ARHGAP23: variants seen among roughly 807,000 people sequenced by gnomAD.
The protein encoded by ARHGAP23 is Rho GTPase activating protein 23.
ARHGAP23 carries 34 observed loss-of-function variants against 136.3 expected under a neutral mutation model. The observed-to-expected ratio is 0.25, with a 90% CI of 0.19 to 0.33. The LOEUF is 0.33. Among genes scored for constraint, ARHGAP23 ranks in the 10% least tolerant of loss-of-function variants. The pLI is 1.00. For missense variants in ARHGAP23, 1,808 were observed against 2,139.0 expected, an observed-to-expected ratio of 0.85 and a Z score of 3.05; for synonymous variants, 832 against 920.5, an observed-to-expected ratio of 0.90 and a Z score of 1.74.
At chr17:38,507,430 T>A (rs1157715393) in intron 23 of ARHGAP23, among the ~76,000 whole-genome samples, 3 of 152,120 alleles carry the variant, frequency 2.0e-5, no homozygotes, top group African/African-American at 7.2e-5. Context: ...TTCATTATAG[T>A]GACCTACATC....
intron 12 of ARHGAP23, among the ~76,000 whole-genome samples, chr17:38,478,417 AT>A (rs33967787): frequency 1.7e-4 from 25 of 145,226 alleles, no homozygotes; most frequent in East Asian, 6.2e-4. Flanking sequence ...TTTTGGGATA[AT>A]TTTTTTTTTT....
rs759925670 is a variant in ARHGAP23 at position 38,466,396 on chromosome 17, C to G, written c.713C>G (p.Ala238Gly). ...PGLRVPPAAR[A>G]HLDNSSLGMS... ...CTCCGTGTGCCACCTGCTGCCCGTGCCCACCTGGACAACTCTTCCTTGGGG... is the reference window on the plus strand; with the variant it reads ...CTCCGTGTGCCACCTGCTGCCCGTGGCCACCTGGACAACTCTTCCTTGGGG... The change falls in exon 7 of 24, where the codon GCC (alanine) becomes GGC (glycine). Residue 238 changes from alanine to glycine, a missense_variant. By Grantham distance (60) the Ala-to-Gly change is moderately conservative. Around this residue, in one of 7 missense-constraint regions of ARHGAP23, gnomAD observed 859 missense variants for 936.4 expected, o/e 0.92. Coordinates refer to ENST00000622683, the MANE Select transcript of ARHGAP23 (RefSeq NM_001199417.2). The G allele has an allele frequency of 6.5e-7, 1 of 1,533,190 alleles. No individual in the cohort carries two copies. Among genetic ancestry groups the G allele is most frequent in the South Asian group, 1.2e-5 (1 of 83,324 alleles). 95.0% of individuals were successfully genotyped at this position (1,533,190 alleles called of 1,614,324 possible).
At chr17:38,469,974 G>T in intron 10 of ARHGAP23, 70 bp downstream of exon 10, 1 of 1,517,558 alleles carries the variant, frequency 6.6e-7, no homozygotes, top group Non-Finnish European at 8.9e-7. Context: ...AGGGAGGTGG[G>T]GCCACAGCCT....
intron 1 of ARHGAP23, among the ~76,000 whole-genome samples, chr17:38,438,892 G>A (rs569566378): frequency 9.8e-5 from 15 of 152,302 alleles, no homozygotes; most frequent in East Asian, 1.9e-4. Flanking sequence ...GCTGAGGCAG[G>A]AGAATCGCTT....
chr17:38,480,086 T>G lies in ARHGAP23; in HGVS notation c.2629+203T>G, dbSNP rs115191538. ...CGGGGTGGAAGGGCCTGGAGCCTGATTCCCGTCCCTGACATCCCTGCTGGG... is the reference window on the plus strand; with the variant it reads ...CGGGGTGGAAGGGCCTGGAGCCTGAGTCCCGTCCCTGACATCCCTGCTGGG... On this transcript the variant is annotated intron_variant, in intron 14 of 23. Coordinates refer to ENST00000622683, the MANE Select transcript of ARHGAP23 (RefSeq NM_001199417.2). Among the ~76,000 whole-genome samples the G allele has an allele frequency of 4.9e-3, 740 of 152,194 alleles. 3 individuals are homozygous for G. Among genetic ancestry groups the G allele is most frequent in the African/African-American group, 0.017 (710 of 41,550 alleles).
At position 38,428,491 on chromosome 17, in the gene ARHGAP23, T is replaced by C; in HGVS notation, c.6T>C (p.Asn2=). The C allele has an allele frequency of 6.9e-7, 1 of 1,447,508 alleles. No individual in the cohort carries two copies. The highest frequency in any genetic ancestry group is 1.3e-5 in the South Asian group (1 of 74,560). The allele number at this position is 1,447,508 out of a possible 1,614,324, so 89.7% of individuals were successfully genotyped here. Residue 2 remains asparagine (N), a synonymous_variant, in exon 1 of 24, where the codon AAT becomes AAC. Coordinates refer to ENST00000622683, the MANE Select transcript of ARHGAP23 (RefSeq NM_001199417.2). M[N]GVAFCLVGIP... ...AGAGCCGCCGCTGCCACCCGATGAA[T>C]GGAGTCGCCTTCTGCCTGGTCGGGA...
At position 38,510,742 on chromosome 17, in the gene ARHGAP23, G is replaced by A; in HGVS notation, c.4246G>A (p.Asp1416Asn). Residue 1416 changes from aspartate to asparagine, a missense_variant, in exon 24 of 24, where the codon GAC becomes AAC. Transcript: ENST00000622683. This position sits in a 1 kb window ranked among gnomAD's most constrained non-coding sequence, Gnocchi z 4.6. ...CGTGGTGGTGCAGAGCCCGCTGACTGACCTCAACTTCAACGAGTGGAAGGA... is the reference window on the plus strand; with the variant it reads ...CGTGGTGGTGCAGAGCCCGCTGACTAACCTCAACTTCAACGAGTGGAAGGA... ...HTVVVQSPLT[D>N]LNFNEWKELG... The A allele has an allele frequency of 2.0e-6, 3 of 1,483,050 alleles. No individual in the cohort carries two copies. Among genetic ancestry groups the A allele is most frequent in the Non-Finnish European group, 2.7e-6 (3 of 1,119,596 alleles). The allele number at this position is 1,483,050 out of a possible 1,614,324, so 91.9% of individuals were successfully genotyped here.
chr17:38,448,207 A>G (rs963695489), intron 1 of ARHGAP23, among the ~76,000 whole-genome samples: 1 of 152,042 alleles, frequency 6.6e-6, no homozygotes, highest in Non-Finnish European at 1.5e-5. Flanking sequence ...GCCTGTAGGA[A>G]CCTGAGGCTG....
rs112900891 is a variant in ARHGAP23, at chr17:38,435,302, G to A, written c.63+6754G>A. 5.0e-3 allele frequency among the ~76,000 whole-genome samples: 764 copies of A among 151,986 alleles called. 6 individuals are homozygous for A. The highest frequency in any genetic ancestry group is 0.017 in the African/African-American group (713 of 41,244). ...GAGGATGGATGCCAAGTGGGAGGAG[G>A]AAGGGGCCTCAGGTTGTTGAGTTGT... is the stretch of plus-strand genomic sequence containing the variant. On this transcript the variant is annotated intron_variant, in intron 1 of 23. Coordinates refer to ENST00000622683, the MANE Select transcript of ARHGAP23 (RefSeq NM_001199417.2).
At chr17:38,458,315 G>C (rs1304584380) in intron 2 of ARHGAP23, 52 bp downstream of exon 2, 14 of 1,459,028 alleles carry the variant, frequency 9.6e-6, no homozygotes, top group Admixed American at 2.5e-5. Flanking sequence ...ATGAGGGAGG[G>C]AGACTCTTTT....
chr17:38,494,351 C>G (rs552654485), intron 20 of ARHGAP23, among the ~76,000 whole-genome samples: 20 of 152,326 alleles, frequency 1.3e-4, no homozygotes, highest in Admixed American at 1.2e-3. Flanking sequence ...GACTGTCATC[C>G]TCTTCGTCGT....
intron 13 of ARHGAP23, 79 bp downstream of exon 13, chr17:38,479,576 A>T (rs965804182): frequency 1.8e-5 from 26 of 1,481,624 alleles, no homozygotes; most frequent in Non-Finnish European, 2.2e-5. Context: ...TTCCTGGCCC[A>T]CCTCCAGGGC....
intron 14 of ARHGAP23, among the ~76,000 whole-genome samples, chr17:38,480,778 T>C (rs1413135306): frequency 7.4e-6 from 1 of 134,310 alleles, no homozygotes; most frequent in Non-Finnish European, 1.5e-5. Context: ...CACTCCAGCC[T>C]GGGTGACAGA....
At chr17:38,465,128 C>T (rs1035523099) in intron 6 of ARHGAP23, among the ~76,000 whole-genome samples, 5 of 151,790 alleles carry the variant, frequency 3.3e-5, no homozygotes, top group South Asian at 2.1e-4. Flanking sequence ...GGGATGCTGC[C>T]GCCGCCGTGA....
intron 1 of ARHGAP23, among the ~76,000 whole-genome samples, chr17:38,444,537 G>A (rs1373757579): frequency 6.6e-6 from 1 of 152,170 alleles, no homozygotes; most frequent in Non-Finnish European, 1.5e-5. Flanking sequence ...CGGCAGCCTT[G>A]GAAGAGTTTG....
rs146574715 is a variant in ARHGAP23, at chr17:38,466,661, C to T, written c.978C>T (p.Pro326=). ...SQDRLEEVAA[P]RPWPCSTSQD... ...ACCGGTTGGAGGAGGTGGCTGCCCCCCGCCCGTGGCCCTGCTCCACCTCCC... is the reference window on the plus strand; with the variant it reads ...ACCGGTTGGAGGAGGTGGCTGCCCCTCGCCCGTGGCCCTGCTCCACCTCCC... The change falls in exon 7 of 24, where the codon CCC becomes CCT. Residue 326 remains proline (P), a synonymous_variant. Transcript: ENST00000622683. 6.1e-4 allele frequency: 918 copies of T among 1,511,820 alleles called. 5 individuals carry two copies. The African/African-American group carries it at 0.012, about 19-fold the overall frequency. The allele number at this position is 1,511,820 out of a possible 1,614,324, so 93.7% of individuals were successfully genotyped here.
chr17:38,490,166 G>A lies in ARHGAP23; in HGVS notation c.3051G>A (p.Leu1017=). ...ACGCGCGGGAGCGAATGAGGACGCT[G>A]CGGAAGCTGGTAAGGAGAGAGAGGT... ...IEDARERMRT[L]RKLIRDLPGH... Residue 1017 remains leucine, a synonymous_variant, in exon 18 of 24, where the codon CTG becomes CTA. Coordinates refer to ENST00000622683, the MANE Select transcript of ARHGAP23 (RefSeq NM_001199417.2). 6 of 1,551,680 alleles carry A rather than the reference G, an allele frequency of 3.9e-6. No homozygotes were observed. Among genetic ancestry groups the A allele is most frequent in the Non-Finnish European group, 5.2e-6 (6 of 1,146,856 alleles).
intron 1 of ARHGAP23, chr17:38,453,660 C>A (rs1459183683): frequency 6.6e-6 from 1 of 150,468 alleles, no homozygotes; most frequent in African/African-American, 2.4e-5. Flanking sequence ...GTCAGCCCTG[C>A]GAGACTCGCG....
intron 6 of ARHGAP23, 98 bp from the exon 7 acceptor site, chr17:38,466,069 C>T: frequency 9.5e-7 from 1 of 1,049,176 alleles, no homozygotes; most frequent in South Asian, 2.0e-5. Context: ...CCTCTCCCTT[C>T]ATTTCCCTCC....
Sources: gnomAD v4.1 joint callset for allele counts (sites outside exome capture counted in the v4.1 genomes callset) on GRCh38, gnomAD v4.1.1 for gene constraint, gnomAD v4.1.1 regional missense constraint, Gnocchi (gnomAD v3.1) non-coding constraint, MANE v1.5 for transcripts, NCBI Gene and HGNC (gene_info 2026-07-23, HGNC 2026-07-21) for gene names.